The following CEP170 variants were observed in gnomAD, a reference collection of about 807,000 sequenced individuals.
The protein encoded by CEP170 is centrosomal protein 170, also known as centrosomal protein of 170 kDa.
In CEP170, 21 loss-of-function variants were observed where a neutral mutation model predicts 151.9. That is an observed-to-expected ratio of 0.14 (90% CI 0.10 to 0.20). The LOEUF is 0.20. Among genes scored for constraint, CEP170 ranks in the 10% least tolerant of loss-of-function variants. CEP170 has a pLI of 1.00. For synonymous variants in CEP170, 356 were observed against 648.8 expected (o/e 0.55, Z 6.86); for missense variants, 964 against 1,892.9 (o/e 0.51, Z 9.11).
intron 10 of CEP170, among the ~76,000 whole-genome samples, chr1:243,176,337 G>C (rs2059250335): frequency 6.6e-6 from 1 of 152,224 alleles, no homozygotes; most frequent in African/African-American, 2.4e-5. Flanking sequence ...GGCGGAATAG[G>C]ACAGGAGGTG....
intron 1 of CEP170, among the ~76,000 whole-genome samples, chr1:243,243,326 G>A (rs1483097360): frequency 1.3e-5 from 2 of 152,100 alleles, no homozygotes; most frequent in African/African-American, 4.8e-5. Flanking sequence ...AGGTAAAGAA[G>A]GGTAGGGGGA....
At chr1:243,250,241 T>A (rs1383936551) in intron 1 of CEP170, among the ~76,000 whole-genome samples, 2 of 152,228 alleles carry the variant, frequency 1.3e-5, no homozygotes, top group Non-Finnish European at 2.9e-5. Flanking sequence ...CTATATTAAG[T>A]ATATGGCCAG....
intron 4 of CEP170, among the ~76,000 whole-genome samples, chr1:243,202,098 C>G (rs1172535898): frequency 6.6e-6 from 1 of 152,034 alleles, no homozygotes; most frequent in African/African-American, 2.4e-5. Context: ...TATATATACA[C>G]CATGGAATAC....
chr1:243,232,289 G>C (rs532340369), intron 1 of CEP170, among the ~76,000 whole-genome samples: 32 of 152,148 alleles, frequency 2.1e-4, no homozygotes, highest in African/African-American at 7.0e-4. Context: ...TAATACTGTA[G>C]TACTTGTTCT....
chr1:243,225,184 T>C lies in CEP170; in HGVS notation c.97A>G (p.Met33Val). The C allele has an allele frequency of 6.3e-7, 1 of 1,587,646 alleles. No homozygotes were observed. The highest frequency in any genetic ancestry group is 8.6e-7 in the Non-Finnish European group (1 of 1,167,064). Residue 33 changes from methionine to valine, a missense_variant, in exon 2 of 20, where the codon ATG (methionine) becomes GTG (valine). Physicochemically the swap from Met to Val is conservative, Grantham distance 21. Transcript: ENST00000366542. Reference protein sequence around the residue: ...IFVGRDDCELMLQSRSVDKQH... With the variant: ...IFVGRDDCELVLQSRSVDKQH... ...AAGCTTGACACAATTACCTGCAACA[T>C]GAGCTCACAGTCATCTCTTCCAACA...
chr1:243,232,727 A>C (rs1250572011), intron 1 of CEP170, among the ~76,000 whole-genome samples: 16 of 152,212 alleles, frequency 1.1e-4, no homozygotes, highest in Admixed American at 1.0e-3. Context: ...TCACTACTGC[A>C]GGGAATGGTA....
chr1:243,128,779 C>T (rs2054020153), intron 18 of CEP170: 1 of 153,432 alleles, frequency 6.5e-6, no homozygotes, highest in South Asian at 2.0e-4. Context: ...ATTGGCCAGG[C>T]TGGTCTTCAA....
chr1:243,142,904 G>T (rs899902203), intron 14 of CEP170, among the ~76,000 whole-genome samples: 1 of 152,122 alleles, frequency 6.6e-6, no homozygotes, highest in East Asian at 1.9e-4. Flanking sequence ...AATCACAGTG[G>T]TATTAGCAAT....
chr1:243,219,358 G>C (rs1347849340), intron 3 of CEP170, among the ~76,000 whole-genome samples: 1 of 152,208 alleles, frequency 6.6e-6, no homozygotes, highest in Non-Finnish European at 1.5e-5. Context: ...ATTTCAGAGA[G>C]ATTAAGTGAT....
At chr1:243,224,329 GAA>G (rs2063056420) in intron 2 of CEP170, among the ~76,000 whole-genome samples, 2 of 151,928 alleles carry the variant, frequency 1.3e-5, no homozygotes, top group South Asian at 2.1e-4. Flanking sequence ...TGGTAAGAAT[GAA>G]AGACTCCAGT....
At chr1:243,190,585 C>T (rs1239355812) in intron 8 of CEP170, among the ~76,000 whole-genome samples, 2 of 151,926 alleles carry the variant, frequency 1.3e-5, no homozygotes, top group Non-Finnish European at 2.9e-5. Context: ...ACTGCATTAC[C>T]AAAGTAGAAC....
intron 8 of CEP170, among the ~76,000 whole-genome samples, chr1:243,189,176 C>G (rs1313090117): frequency 6.6e-6 from 1 of 152,134 alleles, no homozygotes; most frequent in Non-Finnish European, 1.5e-5. Context: ...ATATAGTATA[C>G]ATGTGGACAT....
chr1:243,135,307 C>T (rs1014746249), intron 17 of CEP170, among the ~76,000 whole-genome samples: 15 of 152,018 alleles, frequency 9.9e-5, no homozygotes, highest in Non-Finnish European at 1.9e-4. Flanking sequence ...CCCGGGTTCA[C>T]GCCATTCTCC....
intron 14 of CEP170, among the ~76,000 whole-genome samples, chr1:243,143,623 A>G (rs1339318798): frequency 3.9e-5 from 6 of 151,922 alleles, no homozygotes; most frequent in African/African-American, 7.3e-5. Flanking sequence ...CATAAACTCG[A>G]TGTGGCTATT....
intron 14 of CEP170, among the ~76,000 whole-genome samples, chr1:243,144,897 C>T (rs1226057493): frequency 6.6e-6 from 1 of 152,072 alleles, no homozygotes; most frequent in Non-Finnish European, 1.5e-5. Flanking sequence ...TTTATGTTTT[C>T]CCAAGTGTCA....
At chr1:243,139,466 CTGTA>C (rs887887288) in intron 16 of CEP170, among the ~76,000 whole-genome samples, 119 of 152,046 alleles carry the variant, frequency 7.8e-4, no homozygotes, top group African/African-American at 2.7e-3. Flanking sequence ...CCTTCATAGG[CTGTA>C]TGTTTTGCAA....
chr1:243,254,216 A>G (rs1465600168), intron 1 of CEP170: 1 of 152,026 alleles, frequency 6.6e-6, no homozygotes, highest in East Asian at 1.9e-4. Flanking sequence ...ATAAATAAAT[A>G]AATAAAACTC....
At chr1:243,227,171 C>G (rs922393490) in intron 1 of CEP170, among the ~76,000 whole-genome samples, 17 of 152,014 alleles carry the variant, frequency 1.1e-4, no homozygotes, top group African/African-American at 3.4e-4. Flanking sequence ...CCATAAAAGT[C>G]TTTTAAGTAC....
intron 10 of CEP170, among the ~76,000 whole-genome samples, chr1:243,173,169 T>G (rs1310749146): frequency 6.6e-6 from 1 of 151,968 alleles, no homozygotes; most frequent in Non-Finnish European, 1.5e-5. Context: ...CAAGAGGTTT[T>G]CCTGCCTCAG....
Sources: allele counts gnomAD v4.1 joint callset (sites outside exome capture counted in the v4.1 genomes callset), GRCh38; gene constraint gnomAD v4.1.1; transcripts MANE v1.5; gene names NCBI Gene and HGNC (gene_info 2026-07-23, HGNC 2026-07-21).